SYN2: variants seen among roughly 807,000 people sequenced by gnomAD.
SYN2 encodes the protein synapsin-2.
In SYN2, 19 loss-of-function variants were observed where a neutral mutation model predicts 50.9. The observed-to-expected ratio is 0.37, with a 90% CI of 0.26 to 0.55. The LOEUF (loss-of-function observed/expected upper bound fraction) is 0.55. Ranked by LOEUF, SYN2 falls within the 20% of genes least tolerant of loss-of-function variation. SYN2 has a pLI of 0.81. For synonymous variants in SYN2, 255 were observed against 224.9 expected (o/e 1.13, Z -1.20); for missense variants, 587 against 576.4 (o/e 1.02, Z -0.19).
intron 1 of SYN2, among the ~76,000 whole-genome samples, chr3:12,094,320 G>A (rs1002924269): frequency 2.0e-5 from 3 of 152,184 alleles, no homozygotes; most frequent in Non-Finnish European, 4.4e-5. Context: ...ACAGGATGGA[G>A]GAAGGAGTGA....
chr3:12,085,149 T>TAA (rs1695666898), intron 1 of SYN2, among the ~76,000 whole-genome samples: 1 of 151,592 alleles, frequency 6.6e-6, no homozygotes, highest in African/African-American at 2.4e-5. Flanking sequence ...GAGACTCACT[T>TAA]CACTGTTAAG....
At chr3:12,006,862 A>G (rs1693811940) in intron 1 of SYN2, among the ~76,000 whole-genome samples, 1 of 152,218 alleles carries the variant, frequency 6.6e-6, no homozygotes, top group South Asian at 2.1e-4. Context: ...TATTGGAGAA[A>G]GCTTCACAAA....
chr3:12,113,514 C>T (rs1218105594), intron 1 of SYN2, among the ~76,000 whole-genome samples: 1 of 152,066 alleles, frequency 6.6e-6, no homozygotes, highest in Non-Finnish European at 1.5e-5. Context: ...CAATCCGGTG[C>T]CATTAAGTGC....
intron 1 of SYN2, among the ~76,000 whole-genome samples, chr3:12,134,266 G>A (rs1696850308): frequency 6.6e-6 from 1 of 152,212 alleles, no homozygotes. Flanking sequence ...TTGGTAAAAT[G>A]TTGATGATTA....
At chr3:12,075,472 C>G (rs774479811) in intron 1 of SYN2, among the ~76,000 whole-genome samples, 2 of 152,028 alleles carry the variant, frequency 1.3e-5, no homozygotes, top group African/African-American at 4.8e-5. Context: ...TTTTTAATAA[C>G]CAACACAGGT....
At chr3:12,020,551 C>T (rs1460463678) in intron 1 of SYN2, among the ~76,000 whole-genome samples, 1 of 152,004 alleles carries the variant, frequency 6.6e-6, no homozygotes, top group Non-Finnish European at 1.5e-5. Flanking sequence ...CCTGTGCTTT[C>T]CCCCAGACCC....
At chr3:12,022,976 G>T (rs1694176836) in intron 1 of SYN2, among the ~76,000 whole-genome samples, 1 of 152,194 alleles carries the variant, frequency 6.6e-6, no homozygotes, top group South Asian at 2.1e-4. Context: ...GGTGGTGGAG[G>T]AGTAGAGAAA....
At chr3:12,028,227 A>G (rs945159388) in intron 1 of SYN2, among the ~76,000 whole-genome samples, 3 of 152,002 alleles carry the variant, frequency 2.0e-5, no homozygotes, top group Non-Finnish European at 4.4e-5. Context: ...ATGGCTGCTT[A>G]GTATTCCATG....
intron 1 of SYN2, among the ~76,000 whole-genome samples, chr3:12,005,221 A>G (rs1373625530): frequency 1.3e-5 from 2 of 152,116 alleles, no homozygotes; most frequent in African/African-American, 4.8e-5. Context: ...CCCTTAGGAA[A>G]TAGTTTTTTT....
chr3:12,182,227 G>T (rs572102967), intron 10 of SYN2, among the ~76,000 whole-genome samples: 90 of 152,344 alleles, frequency 5.9e-4, no homozygotes, highest in Non-Finnish European at 1.1e-3. Context: ...GCAGCTTTAT[G>T]TGGGAGTAGG....
At chr3:12,113,930 G>C (rs985580378) in intron 1 of SYN2, among the ~76,000 whole-genome samples, 5 of 151,838 alleles carry the variant, frequency 3.3e-5, no homozygotes, top group Admixed American at 1.3e-4. Flanking sequence ...GTTTTCATTT[G>C]AACACCTGTT....
chr3:12,079,352 G>A (rs1695538935), intron 1 of SYN2, among the ~76,000 whole-genome samples: 1 of 152,138 alleles, frequency 6.6e-6, no homozygotes, highest in African/African-American at 2.4e-5. Context: ...AATAGGAGTG[G>A]TGAGAGAGGG....
chr3:12,024,711 GT>G (rs1447979993), intron 1 of SYN2, among the ~76,000 whole-genome samples: 2 of 152,190 alleles, frequency 1.3e-5, no homozygotes, highest in Admixed American at 1.3e-4. Flanking sequence ...GTTGTTCCCA[GT>G]TTGGGGCTAC....
At chr3:12,139,925 A>G (rs1696976530) in intron 1 of SYN2, among the ~76,000 whole-genome samples, 1 of 152,226 alleles carries the variant, frequency 6.6e-6, no homozygotes, top group South Asian at 2.1e-4. Flanking sequence ...ATTACTTATT[A>G]CAGGGGATTA....
rs532490725 is a variant in SYN2, at chr3:12,010,627, C to G, written c.377+5699C>G. On this transcript the variant is annotated intron_variant, in intron 1 of 12. Coordinates refer to ENST00000621198, the MANE Select transcript of SYN2 (RefSeq NM_133625.6). ...TGGACTTTGATTTTCTAAAATTTGT[C>G]AAATGAGAGGATTGAAATATATTCT... Among the ~76,000 whole-genome samples the G allele has an allele frequency of 2.0e-5, 3 of 152,292 alleles. No homozygotes were observed. The South Asian group carries it at 6.2e-4, about 32-fold the overall frequency.
intron 1 of SYN2, among the ~76,000 whole-genome samples, chr3:12,029,484 C>T (rs1478783611): frequency 1.7e-4 from 21 of 123,914 alleles, no homozygotes; most frequent in African/African-American, 5.4e-4. Context: ...GCCATTTTCA[C>T]GATATTGATT....
At chr3:12,145,610 A>T (rs1484240612) in intron 3 of SYN2, 69 bp from the exon 4 acceptor site, 4 of 1,555,658 alleles carry the variant, frequency 2.6e-6, no homozygotes, top group Non-Finnish European at 3.5e-6. Flanking sequence ...GGTTTTGGAA[A>T]TGGGAACCAA....
In SYN2 at chr3:12,059,406, A is replaced by C. The variant is rs144975204; in HGVS notation, c.377+54478A>C. ...TGATTTGCAGTTGCTTAAGGAAGAG[A>C]AGCTTTGTTTTAAAAGCTGGAATCA... is the stretch of plus-strand genomic sequence containing the variant. On this transcript the variant is annotated intron_variant, in intron 1 of 12. Transcript: ENST00000621198. Among the ~76,000 whole-genome samples the C allele has an allele frequency of 4.6e-3, 703 of 152,182 alleles. 5 individuals carry two copies. Among genetic ancestry groups the C allele is most frequent in the African/African-American group, 0.015 (643 of 41,508 alleles).
intron 1 of SYN2, among the ~76,000 whole-genome samples, chr3:12,121,973 C>T (rs1696570599): frequency 6.6e-6 from 1 of 152,124 alleles, no homozygotes; most frequent in African/African-American, 2.4e-5. Flanking sequence ...TGCAAAACCT[C>T]AGTTTTTACT....
Sources: gnomAD v4.1 joint callset for allele counts (sites outside exome capture counted in the v4.1 genomes callset) on GRCh38, gnomAD v4.1.1 for gene constraint, MANE v1.5 for transcripts, NCBI Gene and HGNC (gene_info 2026-07-23, HGNC 2026-07-21) for gene names.